Variants in PELI2 observed in about 807,000 individuals in gnomAD.
The protein encoded by PELI2 is pellino E3 ubiquitin protein ligase family member 2.
In PELI2, 23 loss-of-function variants were observed where a neutral mutation model predicts 42.3. The observed-to-expected ratio is 0.54, with a 90% confidence interval of 0.39 to 0.77. PELI2 has a LOEUF of 0.77. PELI2 is among the 30% of genes least tolerant of loss of function. PELI2 has a pLI of 0.00. For missense variants in PELI2, 463 were observed against 553.2 expected, an observed-to-expected ratio of 0.84 and a Z score of 1.64; for synonymous variants, 245 against 212.2, an observed-to-expected ratio of 1.15 and a Z score of -1.34.
intron 2 of PELI2, among the ~76,000 whole-genome samples, chr14:56,256,747 A>AT (rs1392786420): frequency 6.9e-6 from 1 of 145,206 alleles, no homozygotes; most frequent in Non-Finnish European, 1.5e-5. Flanking sequence ...ATAACAAAGG[A>AT]TTTTATTTGC....
intron 1 of PELI2, among the ~76,000 whole-genome samples, chr14:56,170,760 C>G (rs916603745): frequency 3.9e-5 from 6 of 152,204 alleles, no homozygotes; most frequent in Admixed American, 1.3e-4. Context: ...GGTTAAGTTT[C>G]TTACACAGCA....
At chr14:56,245,516 T>G (rs912140032) in intron 2 of PELI2, among the ~76,000 whole-genome samples, 1 of 152,238 alleles carries the variant, frequency 6.6e-6, no homozygotes, top group Non-Finnish European at 1.5e-5. Flanking sequence ...TTAAGTGAAT[T>G]CCTGGTTGGC....
rs1886193279 is a variant in PELI2 at position 56,197,987 on chromosome 14, C to T, written c.207+19523C>T. On this transcript the variant is annotated intron_variant, in intron 2 of 5. Transcript: ENST00000267460. This position sits in a 1 kb window ranked among gnomAD's most constrained non-coding sequence, Gnocchi z 4.9. ...TGGTGAAGACACACACACACACACA[C>T]ACACACACACACACACACACACACA... Among the ~76,000 whole-genome samples, 6 of 142,670 alleles carry T rather than the reference C, an allele frequency of 4.2e-5. No individual in the cohort carries two copies. In the South Asian group the frequency reaches 1.4e-3, roughly 32 times the overall value. The allele number at this position is 142,670 out of a possible 152,430, so 93.6% of individuals were successfully genotyped here. A position where few individuals can be genotyped will look rare whatever the true frequency, so the allele number is the denominator to read the frequency against.
At chr14:56,154,265 A>G (rs1325505245) in intron 1 of PELI2, among the ~76,000 whole-genome samples, 6 of 152,202 alleles carry the variant, frequency 3.9e-5, no homozygotes, top group Admixed American at 6.5e-5. Flanking sequence ...TAATTTCATC[A>G]TGTAGAATTA....
In PELI2 at chr14:56,197,292, C is replaced by T. The variant is rs942868543; in HGVS notation, c.207+18828C>T. On this transcript the variant is annotated intron_variant, in intron 2 of 5. Transcript: ENST00000267460. This position sits in a 1 kb window ranked among gnomAD's most constrained non-coding sequence, Gnocchi z 4.9. ...TTTAAGTTTTGATGAGTTATGAAGG[C>T]ATACATAGAGTTTAGTCTTGCAAAC... Among the ~76,000 whole-genome samples the T allele has an allele frequency of 1.3e-5, 2 of 152,138 alleles. No individual in the cohort carries two copies. The highest frequency in any genetic ancestry group is 2.9e-5 in the Non-Finnish European group (2 of 68,034).
intron 1 of PELI2, among the ~76,000 whole-genome samples, chr14:56,120,180 G>C (rs1197389808): frequency 6.6e-6 from 1 of 152,220 alleles, no homozygotes; most frequent in Non-Finnish European, 1.5e-5. Context: ...AGGAAGGCGG[G>C]AGGAATGACA....
intron 2 of PELI2, among the ~76,000 whole-genome samples, chr14:56,260,012 C>T (rs1223195494): frequency 6.6e-6 from 1 of 152,094 alleles, no homozygotes; most frequent in South Asian, 2.1e-4. Context: ...ATATTATTGA[C>T]ATACCATATT....
intron 1 of PELI2, among the ~76,000 whole-genome samples, chr14:56,139,817 C>G (rs969563124): frequency 1.3e-5 from 2 of 151,702 alleles, no homozygotes; most frequent in Non-Finnish European, 2.9e-5. Context: ...ACTCCCAATT[C>G]GGCAGTCTTT....
intron 3 of PELI2, among the ~76,000 whole-genome samples, chr14:56,280,831 G>A (rs929963900): frequency 7.2e-5 from 11 of 152,036 alleles, no homozygotes; most frequent in African/African-American, 2.4e-4. Context: ...AACAAATCAA[G>A]TAGACAAAGG....
intron 1 of PELI2, among the ~76,000 whole-genome samples, chr14:56,142,468 A>G (rs1883948771): frequency 6.6e-6 from 1 of 152,196 alleles, no homozygotes. Flanking sequence ...CCTAACCTAG[A>G]ACCTGGCAGA....
At chr14:56,294,483 G>A (rs548294755) in intron 5 of PELI2, among the ~76,000 whole-genome samples, 1 of 152,290 alleles carries the variant, frequency 6.6e-6, no homozygotes, top group South Asian at 2.1e-4. Context: ...AAGAAGCTTG[G>A]GCTGTACCCC....
chr14:56,281,729 A>G (rs531061056), intron 3 of PELI2, among the ~76,000 whole-genome samples: 50 of 152,236 alleles, frequency 3.3e-4, no homozygotes, highest in Middle Eastern at 3.4e-3. Context: ...AATACCTACA[A>G]TCAGATAGAC....
intron 1 of PELI2, among the ~76,000 whole-genome samples, chr14:56,120,875 C>G (rs374205013): frequency 1.1e-4 from 16 of 152,092 alleles, no homozygotes; most frequent in African/African-American, 3.6e-4. Context: ...GGATGCTAGT[C>G]TGGTTTTTGA....
intron 2 of PELI2, among the ~76,000 whole-genome samples, chr14:56,231,443 G>C (rs2139771479): frequency 6.6e-6 from 1 of 152,290 alleles, no homozygotes; most frequent in South Asian, 2.1e-4. Context: ...TAGAACTCAG[G>C]ATTAAGAAAC....
intron 2 of PELI2, among the ~76,000 whole-genome samples, chr14:56,265,629 C>T (rs1030888579): frequency 1.3e-5 from 2 of 151,970 alleles, no homozygotes; most frequent in South Asian, 4.1e-4. Flanking sequence ...AGAACTTACG[C>T]CTTTGGAATA....
chr14:56,155,876 G>T (rs939249207), intron 1 of PELI2, among the ~76,000 whole-genome samples: 13 of 152,136 alleles, frequency 8.5e-5, no homozygotes, highest in Admixed American at 6.5e-5. Flanking sequence ...GAGCCACTGT[G>T]CCTGGCTTCA....
At chr14:56,208,359 T>C (rs1184289558) in intron 2 of PELI2, among the ~76,000 whole-genome samples, 1 of 152,136 alleles carries the variant, frequency 6.6e-6, no homozygotes, top group East Asian at 1.9e-4. Flanking sequence ...GAGGAGGAGA[T>C]GGGAAATGAC....
chr14:56,230,565 C>T lies in PELI2; in HGVS notation c.208-49111C>T, dbSNP rs1421956477. ...AAGCAAATGCTGAGAGATTTTGTGA[C>T]CACGAGGCCTGCCTTACAAGAGCTC... On this transcript the variant is annotated intron_variant, in intron 2 of 5. Coordinates refer to ENST00000267460, the MANE Select transcript of PELI2 (RefSeq NM_021255.3). Among the ~76,000 whole-genome samples the T allele has an allele frequency of 2.6e-5, 4 of 152,232 alleles. 1 individual carries two copies. The highest frequency in any genetic ancestry group is 1.9e-4 in the East Asian group (1 of 5,178).
chr14:56,200,695 G>A (rs949900779), intron 2 of PELI2, among the ~76,000 whole-genome samples: 6 of 152,206 alleles, frequency 3.9e-5, no homozygotes, highest in African/African-American at 1.4e-4. Context: ...TTCAGGCAAA[G>A]GTGATTCTTT....
Sources: gnomAD v4.1 joint callset for allele counts (sites outside exome capture counted in the v4.1 genomes callset) on GRCh38, gnomAD v4.1.1 for gene constraint, Gnocchi (gnomAD v3.1) non-coding constraint, MANE v1.5 for transcripts, NCBI Gene and HGNC (gene_info 2026-07-23, HGNC 2026-07-21) for gene names.